ERLEC1: variants seen among roughly 807,000 people sequenced by gnomAD.
ERLEC1 encodes the protein endoplasmic reticulum lectin 1.
A neutral mutation model predicts 68.0 loss-of-function variants in ERLEC1; 47 were observed. The observed-to-expected ratio is 0.69, with a 90% confidence interval of 0.55 to 0.88. The LOEUF (loss-of-function observed/expected upper bound fraction) is 0.88. Among genes scored for constraint, ERLEC1 ranks in the 40% least tolerant of loss-of-function variants. ERLEC1 has a pLI of 0.00. For missense variants in ERLEC1, 567 were observed against 583.8 expected, an observed-to-expected ratio of 0.97 and a Z score of 0.30; for synonymous variants, 225 against 203.2, an observed-to-expected ratio of 1.11 and a Z score of -0.91.
In ERLEC1 at chr2:53,801,595, C is replaced by A. The variant is rs1328830617; in HGVS notation, c.724C>A (p.Leu242Ile). 1.2e-6 allele frequency: 2 copies of A among 1,613,992 alleles called. No homozygotes were observed. Among genetic ancestry groups the A allele is most frequent in the South Asian group, 2.2e-5 (2 of 91,072 alleles). ...CEYEVVILTP[L>I]LCSHPKYRFR... ...ATATGAAGTTGTCATTTTGACACCA[C>A]TCTTGTGCAGTCATCCTAAATATAG... Residue 242 changes from leucine to isoleucine, a missense_variant, in exon 7 of 14, where the codon CTC becomes ATC. Coordinates refer to ENST00000185150, the MANE Select transcript of ERLEC1 (RefSeq NM_015701.5).
chr2:53,816,656 C>T (rs1281871576), intron 13 of ERLEC1, among the ~76,000 whole-genome samples: 2 of 152,086 alleles, frequency 1.3e-5, no homozygotes, highest in South Asian at 2.1e-4. Context: ...TAATAGCTAA[C>T]GCTTTTTGTG....
At chr2:53,805,130 C>T (rs1244445089) in intron 8 of ERLEC1, among the ~76,000 whole-genome samples, 1 of 149,916 alleles carries the variant, frequency 6.7e-6, no homozygotes, top group African/African-American at 2.5e-5. Flanking sequence ...TCAAGTGATT[C>T]TCCTGCCTCA....
At chr2:53,801,670 AGTGTTCT>A in intron 7 of ERLEC1, 36 bp from the exon 8 acceptor site, 1 of 1,613,460 alleles carries the variant, frequency 6.2e-7, no homozygotes, top group Non-Finnish European at 8.5e-7. Context: ...CATGCTTTAA[AGTGTTCT>A]GTGCATAGCT....
At chr2:53,790,023 A>T (rs1358055845) in intron 1 of ERLEC1, among the ~76,000 whole-genome samples, 1 of 151,318 alleles carries the variant, frequency 6.6e-6, no homozygotes, top group Non-Finnish European at 1.5e-5. Context: ...CTCAAAAAAA[A>T]AAAAAAAAGA....
intron 13 of ERLEC1, among the ~76,000 whole-genome samples, chr2:53,816,422 C>T (rs539932796): frequency 6.6e-6 from 1 of 151,890 alleles, no homozygotes; most frequent in African/African-American, 2.4e-5. Flanking sequence ...ATATATGGTA[C>T]CACGTCCGGC....
Position 53,787,360 on chromosome 2 carries a change from C to T in ERLEC1, c.150C>T (p.Thr50=). The T allele has an allele frequency of 6.2e-7, 1 of 1,611,096 alleles. No individual in the cohort carries two copies. Among genetic ancestry groups the T allele is most frequent in the Non-Finnish European group, 8.5e-7 (1 of 1,179,370 alleles). The part of the protein sequence containing the change: ...DIPFRVNWPG[T]EFSLPTTGVL... ...CTTTCCGAGTCAACTGGCCCGGCAC[C>T]GAGTTCTCTCTGGTCAGTGCCCTCA... The change falls in exon 1 of 14, where the codon ACC becomes ACT. Residue 50 remains threonine, a synonymous_variant. Coordinates refer to ENST00000185150, the MANE Select transcript of ERLEC1 (RefSeq NM_015701.5).
At chr2:53,787,823 G>C (rs1012151294) in intron 1 of ERLEC1, among the ~76,000 whole-genome samples, 16 of 152,170 alleles carry the variant, frequency 1.1e-4, no homozygotes, top group Non-Finnish European at 2.9e-5. Flanking sequence ...TTCTCCCTCA[G>C]TTGTATACAC....
At chr2:53,801,370 G>A (rs1675993819) in intron 6 of ERLEC1, 27 bp from the exon 7 acceptor site, 1 of 1,581,676 alleles carries the variant, frequency 6.3e-7, no homozygotes, top group Non-Finnish European at 8.7e-7. Flanking sequence ...CTAATGAAAA[G>A]TCTGTCTTAT....
chr2:53,809,566 A>T (rs1676478632), intron 10 of ERLEC1, among the ~76,000 whole-genome samples: 1 of 152,158 alleles, frequency 6.6e-6, no homozygotes, highest in Non-Finnish European at 1.5e-5. Context: ...GAAATTAATC[A>T]TTCTTACAAC....
intron 13 of ERLEC1, among the ~76,000 whole-genome samples, chr2:53,815,711 T>C (rs906301977): frequency 2.6e-5 from 4 of 152,220 alleles, no homozygotes; most frequent in African/African-American, 7.2e-5. Context: ...GTAACACTTT[T>C]TTTTGGTGGT....
intron 9 of ERLEC1, among the ~76,000 whole-genome samples, chr2:53,808,868 A>G (rs532891465): frequency 2.0e-5 from 3 of 152,290 alleles, no homozygotes; most frequent in African/African-American, 2.4e-5. Flanking sequence ...GGCTCAAGCA[A>G]TCATCCTGCC....
intron 10 of ERLEC1, among the ~76,000 whole-genome samples, chr2:53,812,133 C>T (rs941743472): frequency 3.9e-5 from 6 of 152,036 alleles, no homozygotes; most frequent in African/African-American, 1.2e-4. Flanking sequence ...AGGCCGGTCT[C>T]GAACTCCCGA....
intron 13 of ERLEC1, among the ~76,000 whole-genome samples, chr2:53,817,257 C>T (rs1676948632): frequency 6.6e-6 from 1 of 152,092 alleles, no homozygotes; most frequent in South Asian, 2.1e-4. Flanking sequence ...CCTCAGCCTC[C>T]CCAGTAGCTG....
At chr2:53,799,700 T>G (rs1321205913) in intron 6 of ERLEC1, among the ~76,000 whole-genome samples, 1 of 152,162 alleles carries the variant, frequency 6.6e-6, no homozygotes, top group Non-Finnish European at 1.5e-5. Flanking sequence ...GATATTTCCA[T>G]AAATGGCTTA....
rs144418015 is a variant in ERLEC1, at chr2:53,807,627, A to T, written c.880-672A>T. Among the ~76,000 whole-genome samples, 488 of 152,266 alleles carry T rather than the reference A, an allele frequency of 3.2e-3. 7 individuals carry two copies. Among genetic ancestry groups the T allele is most frequent in the East Asian group, 8.7e-3 (45 of 5,186 alleles). On this transcript the variant is annotated intron_variant, in intron 8 of 13. Coordinates refer to ENST00000185150, the MANE Select transcript of ERLEC1 (RefSeq NM_015701.5). ...CCCAGCTCTCTTTACCCTGTTTGTT[A>T]TTCTTTCTTTACCCTTAGTGACCAC...
chr2:53,814,726 A>G (rs1168637812), intron 12 of ERLEC1, 106 bp downstream of exon 12: 2 of 1,009,366 alleles, frequency 2.0e-6, no homozygotes, highest in Non-Finnish European at 3.0e-6. Context: ...ATGAAAGTAT[A>G]CCATTTAAAT....
chr2:53,803,894 C>A (rs554248378), intron 8 of ERLEC1, among the ~76,000 whole-genome samples: 2 of 152,192 alleles, frequency 1.3e-5, no homozygotes, highest in African/African-American at 2.4e-5. Flanking sequence ...TTTGGGAGGC[C>A]GAGGCAGTCA....
At chr2:53,798,741 C>T (rs1483806472) in intron 5 of ERLEC1, among the ~76,000 whole-genome samples, 1 of 151,366 alleles carries the variant, frequency 6.6e-6, no homozygotes, top group African/African-American at 2.4e-5. Context: ...TATGTTTATT[C>T]TATATTCAGA....
At chr2:53,788,968 C>T (rs550756280) in intron 1 of ERLEC1, among the ~76,000 whole-genome samples, 7 of 151,724 alleles carry the variant, frequency 4.6e-5, no homozygotes, top group African/African-American at 1.7e-4. Flanking sequence ...GATATGCAGC[C>T]CTGAAAACTT....
Sources: gnomAD v4.1 joint callset for allele counts (sites outside exome capture counted in the v4.1 genomes callset) on GRCh38, gnomAD v4.1.1 for gene constraint, MANE v1.5 for transcripts, NCBI Gene and HGNC (gene_info 2026-07-23, HGNC 2026-07-21) for gene names.